The following ZNF365 variants were observed in gnomAD, a reference collection of about 807,000 sequenced individuals.
ZNF365 encodes the protein zinc finger protein 365, also known as protein ZNF365.
Under a neutral mutation model 35.0 loss-of-function variants are expected in ZNF365, and 22 were observed. That is an observed-to-expected ratio of 0.63 (90% CI 0.45 to 0.90). The LOEUF (loss-of-function observed/expected upper bound fraction) is 0.90, where lower values mean the gene tolerates loss of function less well. ZNF365 is among the 40% of genes least tolerant of loss of function. The probability of loss-of-function intolerance (pLI) is 0.00; values close to 1 mark genes in which losing one functional copy is unlikely to be tolerated. For missense variants in ZNF365, 448 were observed against 500.3 expected, an observed-to-expected ratio of 0.90 and a Z score of 1.00; for synonymous variants, 188 against 196.2, an observed-to-expected ratio of 0.96 and a Z score of 0.35.
At chr10:62,455,239 A>C (rs796175097) in intron 3 of ZNF365, among the ~76,000 whole-genome samples, 54 of 152,280 alleles carry the variant, frequency 3.5e-4, no homozygotes, top group African/African-American at 1.3e-3. Flanking sequence ...AGAGAGCTGG[A>C]CAGGGAAGGG....
At chr10:62,422,120 T>C (rs1005179547) in intron 3 of ZNF365, among the ~76,000 whole-genome samples, 5 of 152,132 alleles carry the variant, frequency 3.3e-5, no homozygotes, top group African/African-American at 1.2e-4. Flanking sequence ...GGATGAGTCA[T>C]GCTGAGTGGG....
intron 3 of ZNF365, among the ~76,000 whole-genome samples, chr10:62,447,319 T>G (rs1302245981): frequency 6.6e-6 from 1 of 152,170 alleles, no homozygotes; most frequent in Admixed American, 6.5e-5. Context: ...TATTGTTTGT[T>G]TTTTATTGTG....
chr10:62,456,884 C>A (rs1241934788), intron 3 of ZNF365, among the ~76,000 whole-genome samples: 1 of 152,086 alleles, frequency 6.6e-6, no homozygotes, highest in East Asian at 1.9e-4. Flanking sequence ...CAACAATAAG[C>A]ATTTACTTAA....
chr10:62,390,716 A>G (rs534777355), intron 3 of ZNF365, among the ~76,000 whole-genome samples: 2 of 152,308 alleles, frequency 1.3e-5, no homozygotes, highest in Admixed American at 1.3e-4. Context: ...ACAAACCTAC[A>G]TGGTATAGCC....
At chr10:62,406,326 G>A (rs985740896), downstream of ZNF365, among the ~76,000 whole-genome samples, 1 of 152,056 alleles carries the variant, frequency 6.6e-6, no homozygotes. Context: ...CACTTCCAAG[G>A]CAGCTTCATA....
chr10:62,469,560 T>A (rs1053078999), intron 4 of ZNF365, among the ~76,000 whole-genome samples: 3 of 152,212 alleles, frequency 2.0e-5, no homozygotes, highest in Non-Finnish European at 1.5e-5. Context: ...TTTATATTTT[T>A]TATTTATCTT....
intron 3 of ZNF365, among the ~76,000 whole-genome samples, chr10:62,389,465 C>T (rs185712254): frequency 1.2e-3 from 186 of 151,922 alleles, no homozygotes; most frequent in Admixed American, 2.8e-3. Context: ...CTTCCACCCC[C>T]GCAGCAAATG....
chr10:62,403,856 A>C (rs1048747969), downstream of ZNF365, among the ~76,000 whole-genome samples: 1 of 152,230 alleles, frequency 6.6e-6, no homozygotes, highest in Non-Finnish European at 1.5e-5. Context: ...GATTCTGCTC[A>C]ATCTGGATCC....
chr10:62,408,913 A>G (rs1230425567), intron 3 of ZNF365, among the ~76,000 whole-genome samples: 1 of 152,140 alleles, frequency 6.6e-6, no homozygotes, highest in African/African-American at 2.4e-5. Context: ...GGGTCAAGAT[A>G]GCGTCTCTGA....
At chr10:62,422,802 C>G (rs755855261) in intron 3 of ZNF365, among the ~76,000 whole-genome samples, 7 of 152,100 alleles carry the variant, frequency 4.6e-5, no homozygotes, top group African/African-American at 9.7e-5. Flanking sequence ...GTAGAGTACT[C>G]CATGATCACA....
At chr10:62,476,939 AT>A (rs1344143639) in intron 4 of ZNF365, among the ~76,000 whole-genome samples, 5 of 152,218 alleles carry the variant, frequency 3.3e-5, no homozygotes, top group African/African-American at 9.7e-5. Flanking sequence ...GAGAGAAAAA[AT>A]AGTTGTATCT....
chr10:62,435,178 G>A (rs1840388782), intron 3 of ZNF365, among the ~76,000 whole-genome samples: 1 of 152,144 alleles, frequency 6.6e-6, no homozygotes, highest in African/African-American at 2.4e-5. Context: ...GATTTGGGAA[G>A]GACTATTTAG....
At chr10:62,411,321 C>A (rs1839981915) in intron 3 of ZNF365, among the ~76,000 whole-genome samples, 1 of 152,076 alleles carries the variant, frequency 6.6e-6, no homozygotes, top group Non-Finnish European at 1.5e-5. Context: ...GTTGCAATTG[C>A]TTTTGGTGTT....
In ZNF365 at chr10:62,478,910, A is replaced by C. The variant is rs149546858; in HGVS notation, c.982-966A>C. ...TTTTTAAGTCTTAAACAATGTTTTA[A>C]AATTTAGGCTAGTAGTTCTATTGGT... is the stretch of plus-strand genomic sequence containing the variant. On this transcript the variant is annotated intron_variant, in intron 4 of 4. Transcript: ENST00000395255. Among the ~76,000 whole-genome samples the C allele has an allele frequency of 1.6e-3, 248 of 152,336 alleles. 1 individual carries two copies. The highest frequency in any genetic ancestry group is 5.8e-3 in the African/African-American group (243 of 41,580).
chr10:62,385,810 AG>A (rs1351397464), intron 2 of ZNF365, among the ~76,000 whole-genome samples: 2 of 152,310 alleles, frequency 1.3e-5, no homozygotes, highest in East Asian at 3.9e-4. Flanking sequence ...ATCCTCCAAA[AG>A]GTCAATTTTT....
Position 62,376,481 on chromosome 10 carries a change from G to C in ZNF365, c.288G>C (p.Pro96=), listed in dbSNP as rs763936473. The change falls in exon 2 of 5, where the codon CCG becomes CCC. Residue 96 remains proline (P), a synonymous_variant. Coordinates refer to ENST00000395254, the MANE Select transcript of ZNF365 (RefSeq NM_014951.3). ...GTGGCAACGTGGTAAAGCAGAAACC[G>C]AGCTATGTTAACTTGTACAGCATTT... The part of the protein sequence containing the change: ...QSSGNVVKQK[P]SYVNLYSISH... The C allele has an allele frequency of 6.2e-7, 1 of 1,613,978 alleles. No individual in the cohort carries two copies. The highest frequency in any genetic ancestry group is 8.5e-7 in the Non-Finnish European group (1 of 1,180,046).
chr10:62,419,425 G>T (rs1251021009), intron 3 of ZNF365, among the ~76,000 whole-genome samples: 1 of 150,174 alleles, frequency 6.7e-6, no homozygotes, highest in African/African-American at 2.5e-5. Flanking sequence ...CAGCTATCTA[G>T]AAGACTTAGA....
chr10:62,405,526 A>G (rs10995147), downstream of ZNF365, among the ~76,000 whole-genome samples: 86,333 of 152,024 alleles, frequency 0.57, 25,835 homozygotes, highest in East Asian at 0.76. Context: ...AAATGATCCT[A>G]TATGCATTTG....
intron 2 of ZNF365, among the ~76,000 whole-genome samples, chr10:62,378,452 T>G (rs1839372786): frequency 6.6e-6 from 1 of 152,208 alleles, no homozygotes; most frequent in Non-Finnish European, 1.5e-5. Context: ...GAATGCTTAA[T>G]TGTTAAAAAT....
Sources: allele counts gnomAD v4.1 joint callset (sites outside exome capture counted in the v4.1 genomes callset), GRCh38; gene constraint gnomAD v4.1.1; transcripts MANE v1.5; gene names NCBI Gene and HGNC (gene_info 2026-07-23, HGNC 2026-07-21).